Variants in PDK3 observed in about 807,000 individuals in gnomAD.
PDK3 encodes pyruvate dehydrogenase kinase, isozyme 3.
A neutral mutation model predicts 32.0 loss-of-function variants in PDK3; 12 were observed. The observed-to-expected ratio is 0.37, with a 90% CI of 0.24 to 0.61. The LOEUF is 0.61. Among genes scored for constraint, PDK3 ranks in the 20% least tolerant of loss-of-function variants. The pLI, the probability that PDK3 is intolerant of heterozygous loss-of-function variation, is 0.65. For missense variants in PDK3, 188 were observed against 316.9 expected, an observed-to-expected ratio of 0.59 and a Z score of 3.09; for synonymous variants, 122 against 116.3, an observed-to-expected ratio of 1.05 and a Z score of -0.31.
rs767787304 is a variant in PDK3, at chrX:24,486,642, G to GT, written c.107-8093dup. Among the ~76,000 whole-genome samples, 558 of 110,832 alleles carry GT rather than the reference G, an allele frequency of 5.0e-3. 1 individual carries two copies. Among genetic ancestry groups the GT allele is most frequent in the African/African-American group, 0.017 (507 of 30,524 alleles). ...GTTCTGACTCACTCTTTTTGTTTTT[G>GT]TTTTTTTGAAATGGGGTGTCACTCT... On this transcript the variant is annotated intron_variant, in intron 1 of 10. Coordinates refer to ENST00000379162, the MANE Select transcript of PDK3 (RefSeq NM_005391.5).
In PDK3 at chrX:24,505,657, G is replaced by A. The variant is rs138241117; in HGVS notation, c.595+359G>A. ...TCATAAAATTAGGTTGAATTCACGT[G>A]TCTATAAAATTTAAACATATTTCTG... On this transcript the variant is annotated intron_variant, in intron 5 of 10. Transcript: ENST00000379162. 1.0e-3 allele frequency among the ~76,000 whole-genome samples: 116 copies of A among 112,008 alleles called. 1 individual carries two copies. In the East Asian group the frequency reaches 0.029, roughly 28 times the overall value.
rs1200112641 is a variant in PDK3, at chrX:24,472,261, T to C, written c.106+6700T>C. ...TCACCACTTGTCAGCCAGGAGACCT[T>C]TGAGCACTTGAAATGTGGCTAGTGT... On this transcript the variant is annotated intron_variant, in intron 1 of 10. Transcript: ENST00000379162. 2.7e-5 allele frequency among the ~76,000 whole-genome samples: 3 copies of C among 112,212 alleles called. No individual in the cohort carries two copies. In the South Asian group the frequency reaches 1.1e-3, roughly 41 times the overall value.
intron 3 of PDK3, among the ~76,000 whole-genome samples, chrX:24,501,490 GA>G (rs1487019282): frequency 2.7e-5 from 3 of 112,833 alleles, no homozygotes; most frequent in Middle Eastern, 4.6e-3. Flanking sequence ...AAGGCGGGCG[GA>G]TCACCTGAGG....
intron 3 of PDK3, among the ~76,000 whole-genome samples, chrX:24,499,661 C>T (rs1921804077): frequency 9.0e-6 from 1 of 111,624 alleles, no homozygotes; most frequent in South Asian, 3.7e-4. Context: ...TACAAGCAAC[C>T]TTAGGAGGTA....
intron 8 of PDK3, 139 bp downstream of exon 8, chrX:24,527,814 G>A: frequency 2.1e-6 from 1 of 483,306 alleles, no homozygotes; most frequent in Non-Finnish European, 3.5e-6. Flanking sequence ...CTTGGCTTAA[G>A]TTACCTTATT....
chrX:24,505,653 A>G lies in PDK3; in HGVS notation c.595+355A>G, dbSNP rs1263685879. Among the ~76,000 whole-genome samples, 5 of 112,190 alleles carry G rather than the reference A, an allele frequency of 4.5e-5. 1 individual carries two copies. The East Asian group carries it at 1.4e-3, about 31-fold the overall frequency. ...CTTATCATAAAATTAGGTTGAATTC[A>G]CGTGTCTATAAAATTTAAACATATT... On this transcript the variant is annotated intron_variant, in intron 5 of 10. Coordinates refer to ENST00000379162, the MANE Select transcript of PDK3 (RefSeq NM_005391.5).
intron 5 of PDK3, among the ~76,000 whole-genome samples, chrX:24,517,156 AT>A (rs1922275707): frequency 8.9e-6 from 1 of 111,859 alleles, no homozygotes; most frequent in Admixed American, 9.5e-5. Context: ...TCCAATAAAG[AT>A]TTTTAAAAAG....
At chrX:24,526,796 T>TC (rs748606029) in intron 7 of PDK3, among the ~76,000 whole-genome samples, 5 of 110,362 alleles carry the variant, frequency 4.5e-5, no homozygotes, top group African/African-American at 1.3e-4. Flanking sequence ...GAACCACCCC[T>TC]CCCCCCCACC....
At chrX:24,481,049 C>CTT (rs758641178) in intron 1 of PDK3, among the ~76,000 whole-genome samples, 35,998 of 97,319 alleles carry the variant, frequency 0.37, 5,625 homozygotes, top group African/African-American at 0.5. Context: ...TTTTCTTTTT[C>CTT]TTTTTTTTTT....
chrX:24,465,541 TCAAA>T lies in PDK3; in HGVS notation c.90_93del (p.Lys30AsnfsTer31). On this transcript the variant is annotated frameshift_variant, in exon 1 of 11. Transcript: ENST00000379162. LOFTEE classifies it high-confidence loss of function. Reference sequence around the variant, plus strand: ...CGCTTTTCGCCGTCGCCGCTCTCCATCAAACAATTCCTGGACTTCGGTGAGTACG... The same window carrying T: ...CGCTTTTCGCCGTCGCCGCTCTCCATCAATTCCTGGACTTCGGTGAGTACG... The T allele has an allele frequency of 8.3e-7, 1 of 1,204,558 alleles. No individual in the cohort carries two copies. Among genetic ancestry groups the T allele is most frequent in the Non-Finnish European group, 1.1e-6 (1 of 889,187 alleles).
intron 1 of PDK3, among the ~76,000 whole-genome samples, chrX:24,482,531 A>G (rs1224282637): frequency 2.7e-5 from 3 of 112,117 alleles, no homozygotes; most frequent in South Asian, 3.7e-4. Flanking sequence ...AGTTTAACAT[A>G]GTATACCATT....
intron 10 of PDK3, among the ~76,000 whole-genome samples, chrX:24,533,532 C>T (rs1339807604): frequency 2.7e-5 from 3 of 111,713 alleles, no homozygotes; most frequent in African/African-American, 9.8e-5. Context: ...GCCCATGCAT[C>T]TAAGTAATGC....
At chrX:24,505,385 A>C in intron 5 of PDK3, 87 bp downstream of exon 5, 3 of 632,297 alleles carry the variant, frequency 4.7e-6, no homozygotes, top group Non-Finnish European at 7.5e-6. Context: ...GTTATTTTGC[A>C]GTGCAGTCTG....
At chrX:24,533,515 C>G (rs1219144710) in intron 10 of PDK3, among the ~76,000 whole-genome samples, 1 of 111,594 alleles carries the variant, frequency 9.0e-6, no homozygotes, top group African/African-American at 3.3e-5. Context: ...GAGTATTTAT[C>G]TTAGATGCCC....
At chrX:24,510,348 T>A (rs754594637) in intron 5 of PDK3, among the ~76,000 whole-genome samples, 2 of 112,525 alleles carry the variant, frequency 1.8e-5, no homozygotes, top group Non-Finnish European at 3.7e-5. Flanking sequence ...ACCCAACATT[T>A]TTGTTAATCA....
At chrX:24,493,564 C>T (rs1426307918) in intron 1 of PDK3, among the ~76,000 whole-genome samples, 2 of 111,390 alleles carry the variant, frequency 1.8e-5, no homozygotes, top group African/African-American at 6.5e-5. Context: ...CATTTCTGTG[C>T]AGCCTCCAGG....
chrX:24,523,581 A>G (rs1002782397), intron 6 of PDK3, among the ~76,000 whole-genome samples: 7 of 112,482 alleles, frequency 6.2e-5, no homozygotes, highest in Non-Finnish European at 9.4e-5. Context: ...AAGCTGGTCT[A>G]AGAAAGAGCA....
exon 12 of PDK3, chrX:24,547,200 A>G (rs1923015920): frequency 2.7e-5 from 3 of 112,331 alleles, no homozygotes; most frequent in South Asian, 7.4e-4. Context: ...ACTATTGGGA[A>G]TATTTTTTAT....
At chrX:24,522,520 G>C (rs1409461218) in intron 6 of PDK3, among the ~76,000 whole-genome samples, 1 of 111,475 alleles carries the variant, frequency 9.0e-6, no homozygotes, top group Non-Finnish European at 1.9e-5. Flanking sequence ...GGGGTGAAAA[G>C]GTTGAATTCA....
Sources: allele counts gnomAD v4.1 joint callset (sites outside exome capture counted in the v4.1 genomes callset), GRCh38; gene constraint gnomAD v4.1.1; transcripts MANE v1.5; gene names NCBI Gene and HGNC (gene_info 2026-07-23, HGNC 2026-07-21).